MBNL2: variants seen among roughly 807,000 people sequenced by gnomAD.
MBNL2 encodes muscleblind-like protein 2.
In MBNL2, 17 loss-of-function variants were observed where a neutral mutation model predicts 41.9. That is an observed-to-expected ratio of 0.41 (90% confidence interval 0.28 to 0.61). MBNL2 has a LOEUF of 0.61. Among genes scored for constraint, MBNL2 ranks in the 20% least tolerant of loss-of-function variants. MBNL2 has a pLI of 0.35. For synonymous variants in MBNL2, 195 were observed against 182.9 expected (o/e 1.07, Z -0.53); for missense variants, 336 against 505.6 (o/e 0.66, Z 3.22).
At chr13:97,286,246 A>G (rs2054411612) in intron 2 of MBNL2, among the ~76,000 whole-genome samples, 1 of 152,064 alleles carries the variant, frequency 6.6e-6, no homozygotes, top group African/African-American at 2.4e-5. Context: ...CATTCAACCT[A>G]CTGTTCTCAT....
chr13:97,205,524 T>C, the MBNL2 span, among the ~76,000 whole-genome samples: 2 of 152,242 alleles, frequency 1.3e-5, no homozygotes, highest in African/African-American at 4.8e-5. Context: ...TAGCAGGAAG[T>C]TGGAATCTTT....
At chr13:97,159,631 T>C in the MBNL2 span, among the ~76,000 whole-genome samples, 14 of 150,248 alleles carry the variant, frequency 9.3e-5, no homozygotes, top group African/African-American at 3.2e-4. Flanking sequence ...GTCTGTAAAG[T>C]ATTTTATTTC....
At chr13:97,383,215 A>G (rs911207609) in intron 8 of MBNL2, among the ~76,000 whole-genome samples, 2 of 152,214 alleles carry the variant, frequency 1.3e-5, no homozygotes, top group Non-Finnish European at 2.9e-5. Context: ...GGATTGAAGG[A>G]GACTGTCTGG....
At chr13:97,244,682 G>C (rs933164964) in intron 1 of MBNL2, among the ~76,000 whole-genome samples, 2 of 152,116 alleles carry the variant, frequency 1.3e-5, no homozygotes, top group Non-Finnish European at 2.9e-5. Flanking sequence ...GGTGCACATT[G>C]GTCAAAGAAT....
chr13:97,331,461 C>A (rs377238400), intron 2 of MBNL2, among the ~76,000 whole-genome samples: 2 of 152,160 alleles, frequency 1.3e-5, no homozygotes, highest in East Asian at 1.9e-4. Flanking sequence ...ATATACATAT[C>A]TTATTATATT....
At chr13:97,385,581 T>C (rs1014801473) in intron 8 of MBNL2, among the ~76,000 whole-genome samples, 1 of 152,208 alleles carries the variant, frequency 6.6e-6, no homozygotes, top group Non-Finnish European at 1.5e-5. Flanking sequence ...AAATTTAATA[T>C]TGAGCTATCA....
intron 1 of MBNL2, among the ~76,000 whole-genome samples, chr13:97,226,189 T>G (rs1458544513): frequency 1.3e-5 from 2 of 152,186 alleles, no homozygotes; most frequent in Non-Finnish European, 2.9e-5. Flanking sequence ...CGGCCTCCTC[T>G]GCTGAGAGTA....
chr13:97,181,794 G>GAAT, the MBNL2 span, among the ~76,000 whole-genome samples: 2,305 of 152,250 alleles, frequency 0.015, 27 homozygotes, highest in Middle Eastern at 0.054. Flanking sequence ...TCAATACACA[G>GAAT]AATACAAAGC....
rs1001032093 is a variant in MBNL2 at position 97,268,570 on chromosome 13, A to G, written c.-604-7062A>G. ...GGCAGCCGCAGGGTAAGCCAGTGGC[A>G]TCTGCTGGAATTTTCCTACAGATAA... On this transcript the variant is annotated intron_variant, in intron 1 of 8. Coordinates refer to ENST00000679496, the MANE Select transcript of MBNL2 (RefSeq NM_001382683.1). This position sits in a 1 kb window ranked among gnomAD's most constrained non-coding sequence, Gnocchi z 4.6. Among the ~76,000 whole-genome samples, 3 of 152,218 alleles carry G rather than the reference A, an allele frequency of 2.0e-5. No homozygotes were observed. Among genetic ancestry groups the G allele is most frequent in the Non-Finnish European group, 4.4e-5 (3 of 68,028 alleles).
chr13:97,280,038 C>G (rs1468901874), intron 2 of MBNL2, among the ~76,000 whole-genome samples: 1 of 152,100 alleles, frequency 6.6e-6, no homozygotes, highest in South Asian at 2.1e-4. Flanking sequence ...TCTGGAAGGC[C>G]AGGTCACATT....
the MBNL2 span, among the ~76,000 whole-genome samples, chr13:97,204,127 G>A: frequency 6.6e-6 from 1 of 152,172 alleles, no homozygotes; most frequent in African/African-American, 2.4e-5. Context: ...CTGAGGATTG[G>A]ATTTACCCGA....
intron 2 of MBNL2, among the ~76,000 whole-genome samples, chr13:97,278,503 A>G (rs2052663989): frequency 2.0e-5 from 3 of 152,166 alleles, no homozygotes; most frequent in African/African-American, 7.2e-5. Flanking sequence ...CTGACTTATT[A>G]AGGCCAAGTA....
chr13:97,175,434 G>T, the MBNL2 span, among the ~76,000 whole-genome samples: 3 of 152,094 alleles, frequency 2.0e-5, no homozygotes, highest in Non-Finnish European at 2.9e-5. Context: ...TGCAAAGATG[G>T]GCCTGGGGAC....
At chr13:97,261,155 C>G (rs911643684) in intron 1 of MBNL2, among the ~76,000 whole-genome samples, 2 of 151,974 alleles carry the variant, frequency 1.3e-5, no homozygotes, top group African/African-American at 4.8e-5. Flanking sequence ...AAGGAAGCCC[C>G]CGGCTCTTCC....
chr13:97,368,658 A>G (rs547052326), intron 8 of MBNL2, among the ~76,000 whole-genome samples: 366 of 151,748 alleles, frequency 2.4e-3, no homozygotes, highest in African/African-American at 8.2e-3. Context: ...CATTTAGTAG[A>G]AAAAAAACTT....
the MBNL2 span, among the ~76,000 whole-genome samples, chr13:97,182,036 G>T: frequency 1.3e-5 from 2 of 152,132 alleles, no homozygotes; most frequent in East Asian, 1.9e-4. Context: ...GTTAGTAGGG[G>T]TTTTTTATTT....
At chr13:97,263,890 T>C (rs951733233) in intron 1 of MBNL2, among the ~76,000 whole-genome samples, 3 of 152,156 alleles carry the variant, frequency 2.0e-5, no homozygotes, top group African/African-American at 7.2e-5. Context: ...AGTGCTCGGA[T>C]TACAGGTGTG....
chr13:97,234,280 CACGT>C (rs2042899399), intron 1 of MBNL2, among the ~76,000 whole-genome samples: 1 of 152,204 alleles, frequency 6.6e-6, no homozygotes, highest in South Asian at 2.1e-4. Flanking sequence ...CGAGCCCCTT[CACGT>C]ACTTGAAGAT....
At chr13:97,169,978 A>C in the MBNL2 span, among the ~76,000 whole-genome samples, 1 of 152,188 alleles carries the variant, frequency 6.6e-6, no homozygotes, top group Non-Finnish European at 1.5e-5. Flanking sequence ...ATAAAAAAGG[A>C]TCTCGTCATC....
Sources: gnomAD v4.1 joint callset for allele counts (sites outside exome capture counted in the v4.1 genomes callset) on GRCh38, gnomAD v4.1.1 for gene constraint, Gnocchi (gnomAD v3.1) non-coding constraint, MANE v1.5 for transcripts, NCBI Gene and HGNC (gene_info 2026-07-23, HGNC 2026-07-21) for gene names.